Variants in ZNF726 observed in about 807,000 individuals in gnomAD.
ZNF726 encodes the protein zinc finger protein 726, also known as zinc finger protein 92 pseudogene 3.
Under a neutral mutation model 11.6 loss-of-function variants are expected in ZNF726, and 15 were observed. The ratio of observed to expected loss-of-function variants is 1.29; its 90% CI spans 0.86 to 1.99. The LOEUF is 1.99. ZNF726 is among the 30% of genes most tolerant of loss of function. The pLI is 0.00. For missense variants in ZNF726, 890 were observed against 725.6 expected, an observed-to-expected ratio of 1.23 and a Z score of -2.60; for synonymous variants, 295 against 243.6, an observed-to-expected ratio of 1.21 and a Z score of -1.96.
intron 2 of ZNF726, 27 bp downstream of exon 2, chr19:23,919,526 T>A: frequency 6.4e-7 from 1 of 1,556,042 alleles, no homozygotes; most frequent in South Asian, 1.2e-5. Flanking sequence ...TACAAAATTT[T>A]TAATATAAAC....
intron 3 of ZNF726, among the ~76,000 whole-genome samples, chr19:23,931,482 AATG>A: frequency 6.7e-6 from 1 of 149,114 alleles, no homozygotes; most frequent in Non-Finnish European, 1.5e-5. Context: ...TCTTAAAATT[AATG>A]TATAAATCTT....
In ZNF726 at chr19:23,933,524, A is replaced by G. The variant is rs770620236; in HGVS notation, c.1408A>G (p.Thr470Ala). The part of the protein sequence containing the change: ...KAFSRSSALT[T>A]HKRMHTGEKP... ...ATTTAGCCGATCCTCAGCCCTAACT[A>G]CACATAAGAGGATGCACACTGGAGA... The change falls in exon 4 of 4, where the codon ACA becomes GCA. Residue 470 changes from threonine to alanine, a missense_variant. Physicochemically the swap from Thr to Ala is moderately conservative, Grantham distance 58. Transcript: ENST00000594466. 4.4e-5 allele frequency: 71 copies of G among 1,612,638 alleles called. No individual in the cohort carries two copies. Among genetic ancestry groups the G allele is most frequent in the Non-Finnish European group, 4.7e-5 (56 of 1,179,944 alleles).
chr19:23,922,580 C>CT (rs1188353044), intron 3 of ZNF726, among the ~76,000 whole-genome samples: 1 of 152,190 alleles, frequency 6.6e-6, no homozygotes, highest in Admixed American at 6.5e-5. Flanking sequence ...AGGTGGAGCA[C>CT]TTTCTTGTCT....
intron 3 of ZNF726, among the ~76,000 whole-genome samples, chr19:23,926,568 C>G: frequency 1.5e-5 from 1 of 66,002 alleles, no homozygotes; most frequent in African/African-American, 6.7e-5. Flanking sequence ...AGACTCTGTT[C>G]CAAAAAAAAA....
At chr19:23,923,088 G>A (rs1967893224) in intron 3 of ZNF726, among the ~76,000 whole-genome samples, 1 of 152,022 alleles carries the variant, frequency 6.6e-6, no homozygotes, top group Admixed American at 6.6e-5. Flanking sequence ...AGGCAAAAAG[G>A]AATTACAGAA....
At chr19:23,917,054 G>A (rs1397610852) in intron 1 of ZNF726, among the ~76,000 whole-genome samples, 2 of 152,198 alleles carry the variant, frequency 1.3e-5, no homozygotes, top group African/African-American at 4.8e-5. Flanking sequence ...GACTTCAGGT[G>A]ATTGTCATGC....
intron 1 of ZNF726, among the ~76,000 whole-genome samples, chr19:23,916,007 A>C (rs1247545439): frequency 6.6e-6 from 1 of 152,248 alleles, no homozygotes; most frequent in African/African-American, 2.4e-5. Flanking sequence ...AATTTACAAA[A>C]AAATGCTCTT....
At chr19:23,917,912 G>A (rs1170887925) in intron 1 of ZNF726, among the ~76,000 whole-genome samples, 2 of 152,170 alleles carry the variant, frequency 1.3e-5, no homozygotes, top group Non-Finnish European at 2.9e-5. Flanking sequence ...TGCCATGAGA[G>A]TAAGCAGGAA....
At chr19:23,921,322 A>G (rs901762070) in intron 3 of ZNF726, 2 of 152,286 alleles carry the variant, frequency 1.3e-5, no homozygotes, top group Non-Finnish European at 2.9e-5. Flanking sequence ...GTTTGAAATT[A>G]TAAAGTATAA....
downstream of ZNF726, chr19:23,935,417 A>G (rs781055630): frequency 1.9e-6 from 1 of 522,022 alleles, no homozygotes; most frequent in Admixed American, 1.9e-5. Context: ...ACCAGTCCTC[A>G]CATCTTACTA....
intron 1 of ZNF726, among the ~76,000 whole-genome samples, chr19:23,917,927 G>A (rs977980265): frequency 2.0e-5 from 3 of 152,186 alleles, no homozygotes; most frequent in Non-Finnish European, 4.4e-5. Flanking sequence ...CAGGAACAAA[G>A]GAAAGTAGAG....
chr19:23,929,290 T>A (rs184751554), intron 3 of ZNF726: 2 of 152,344 alleles, frequency 1.3e-5, no homozygotes, highest in East Asian at 3.9e-4. Context: ...CATAATCATC[T>A]TGTGTATTCG....
rs951395659 is a variant in ZNF726 at position 23,941,233 on chromosome 19, T to C, written c.227-2261T>C. On this transcript the variant is annotated intron_variant, in intron 3 of 4. Transcript: ENST00000334589. ...AATGGTTTTTCTGCATCTATTGAAATAATCATTTGATTTTTGTTTTGAATT... is the reference window on the plus strand; with the variant it reads ...AATGGTTTTTCTGCATCTATTGAAACAATCATTTGATTTTTGTTTTGAATT... Among the ~76,000 whole-genome samples, 9 of 152,318 alleles carry C rather than the reference T, an allele frequency of 5.9e-5. No individual in the cohort carries two copies. The East Asian group carries it at 7.7e-4, about 13-fold the overall frequency.
intron 3 of ZNF726, chr19:23,924,024 T>C (rs1967922344): frequency 6.6e-6 from 1 of 151,464 alleles, no homozygotes; most frequent in South Asian, 2.1e-4. Flanking sequence ...GGTTATACCT[T>C]GTATATATTC....
At chr19:23,938,916 T>C (rs773798649), downstream of ZNF726, among the ~76,000 whole-genome samples, 1 of 152,072 alleles carries the variant, frequency 6.6e-6, no homozygotes, top group Non-Finnish European at 1.5e-5. Flanking sequence ...CTGTGTGTAA[T>C]AGTTTATGAA....
At chr19:23,939,976 T>A (rs969942582) in intron 3 of ZNF726, among the ~76,000 whole-genome samples, 12 of 151,496 alleles carry the variant, frequency 7.9e-5, no homozygotes, top group Non-Finnish European at 1.5e-5. Flanking sequence ...CTGTGAGTTC[T>A]CTGTTTACTC....
intron 3 of ZNF726, among the ~76,000 whole-genome samples, chr19:23,942,754 G>T (rs772373919): frequency 6.6e-6 from 1 of 152,138 alleles, no homozygotes; most frequent in African/African-American, 2.4e-5. Context: ...TTTAAAATTT[G>T]TTTTGTCTGA....
At chr19:23,942,690 C>T (rs759649381) in intron 3 of ZNF726, among the ~76,000 whole-genome samples, 1 of 152,166 alleles carries the variant, frequency 6.6e-6, no homozygotes, top group Non-Finnish European at 1.5e-5. Flanking sequence ...CCTGTTGGAT[C>T]AGGCCACTTA....
At chr19:23,937,105 C>T (rs1968248960), downstream of ZNF726, among the ~76,000 whole-genome samples, 1 of 150,742 alleles carries the variant, frequency 6.6e-6, no homozygotes, top group Admixed American at 6.6e-5. Context: ...CCCCACCTCC[C>T]TCCCGGCCGG....
Sources: gnomAD v4.1 joint callset for allele counts (sites outside exome capture counted in the v4.1 genomes callset) on GRCh38, gnomAD v4.1.1 for gene constraint, MANE v1.5 for transcripts, NCBI Gene and HGNC (gene_info 2026-07-23, HGNC 2026-07-21) for gene names.